ACCS: variants seen among roughly 807,000 people sequenced by gnomAD.
The protein encoded by ACCS is 1-aminocyclopropane-1-carboxylate synthase-like protein 1.
ACCS carries 42 observed loss-of-function variants against 59.8 expected under a neutral mutation model. That is an observed-to-expected ratio of 0.70 (90% CI 0.55 to 0.91). The LOEUF (loss-of-function observed/expected upper bound fraction) is 0.91. ACCS is among the 40% of genes least tolerant of loss of function. The probability of loss-of-function intolerance (pLI) is 0.00; values close to 1 mark genes in which losing one functional copy is unlikely to be tolerated. For missense variants in ACCS, 602 were observed against 630.4 expected, an observed-to-expected ratio of 0.95 and a Z score of 0.48; for synonymous variants, 230 against 240.3, an observed-to-expected ratio of 0.96 and a Z score of 0.40.
intron 7 of ACCS, 134 bp from the exon 8 acceptor site, chr11:44,077,711 C>T (rs939299891): frequency 5.5e-6 from 8 of 1,465,002 alleles, no homozygotes; most frequent in Non-Finnish European, 6.3e-6. Flanking sequence ...GAGGGAGGGA[C>T]CCCACCTGCT....
At position 44,081,201 on chromosome 11, in the gene ACCS, G is replaced by A. The variant is rs146514567; in HGVS notation, c.992G>A (p.Arg331His). The A allele has an allele frequency of 2.6e-4, 421 of 1,614,248 alleles. No individual in the cohort carries two copies. In the African/African-American group the frequency reaches 5.0e-3, roughly 19 times the overall value. Residue 331 changes from arginine to histidine, a missense_variant, in exon 12 of 15, where the codon CGC becomes CAC. Arg to His is a conservative substitution (Grantham distance 29). Transcript: ENST00000263776. ...CAGGACTTCGGGATGTCTGGGCTCCGCTTTGGCACGCTGTACACAGAAAAC... is the reference window on the plus strand; with the variant it reads ...CAGGACTTCGGGATGTCTGGGCTCCACTTTGGCACGCTGTACACAGAAAAC... Reference protein sequence around the residue: ...TSKDFGMSGLRFGTLYTENQD... With the variant: ...TSKDFGMSGLHFGTLYTENQD...
intron 9 of ACCS, chr11:44,079,221 G>T: frequency 2.4e-6 from 1 of 411,154 alleles, no homozygotes; most frequent in Non-Finnish European, 4.5e-6. Flanking sequence ...CAAGTGAGGG[G>T]TGGATCCAGA....
chr11:44,080,417 A>G (rs957826118), intron 10 of ACCS: 1 of 153,094 alleles, frequency 6.5e-6, no homozygotes, highest in Non-Finnish European at 1.5e-5. Context: ...TATTTTTTGG[A>G]TTAGGAAACT....
Position 44,081,059 on chromosome 11 carries a change from C to G in ACCS, c.963C>G (p.Thr321=). 1 of 1,614,190 alleles carries G rather than the reference C, an allele frequency of 6.2e-7. No individual in the cohort carries two copies. Among genetic ancestry groups the G allele is most frequent in the Non-Finnish European group, 8.5e-7 (1 of 1,180,036 alleles). Residue 321 remains threonine, a synonymous_variant, in exon 11 of 15, where the codon ACC becomes ACG. Transcript: ENST00000263776. ...AGAGGACCCATGTGATGTGGGCAAC[C>G]AGCAAGGTGAGTTCCTGGCTGGCCT... ...DPQRTHVMWA[T]SKDFGMSGLR... is the part of the protein sequence containing the mutation.
chr11:44,068,885 C>T (rs1038335614), intron 2 of ACCS, among the ~76,000 whole-genome samples: 12 of 152,196 alleles, frequency 7.9e-5, no homozygotes, highest in Non-Finnish European at 5.9e-5. Flanking sequence ...TCATAGAGCT[C>T]ATATTCTAGT....
At chr11:44,083,016 C>A (rs1039261837) in intron 12 of ACCS, among the ~76,000 whole-genome samples, 153 bp from the exon 13 acceptor site, 7 of 152,158 alleles carry the variant, frequency 4.6e-5, no homozygotes, top group Non-Finnish European at 8.8e-5. Context: ...TTGACCTCCC[C>A]TTCGTAATCC....
chr11:44,081,021 C>T lies in ACCS; in HGVS notation c.925C>T (p.Leu309Phe), dbSNP rs761568234. Reference sequence around the variant, plus strand: ...GTTCCCATGCTGTGCTCTCTGCAGGCTCCCTGACCCCCAGAGGACCCATGT... The same window carrying T: ...GTTCCCATGCTGTGCTCTCTGCAGGTTCCCTGACCCCCAGAGGACCCATGT... ...GYRSVLSLER[L>F]PDPQRTHVMW... is the part of the protein sequence containing the mutation. The change falls in exon 11 of 15, where the codon CTC (leucine) becomes TTC (phenylalanine). Residue 309 changes from leucine to phenylalanine, a missense_variant and splice_region_variant. Leu to Phe is a conservative substitution (Grantham distance 22, BLOSUM62 0). Transcript: ENST00000263776. The T allele has an allele frequency of 2.5e-6, 4 of 1,614,200 alleles. No individual in the cohort carries two copies. The highest frequency in any genetic ancestry group is 3.4e-6 in the Non-Finnish European group (4 of 1,180,038).
At chr11:44,070,929 G>A (rs531929252) in intron 2 of ACCS, among the ~76,000 whole-genome samples, 37 of 152,310 alleles carry the variant, frequency 2.4e-4, no homozygotes, top group South Asian at 8.3e-4. Context: ...GTGTACCTCA[G>A]TCCCTGTGAC....
At chr11:44,066,761 AG>A (rs1243108971) in intron 1 of ACCS, 60 bp downstream of exon 1, 1 of 152,238 alleles carries the variant, frequency 6.6e-6, no homozygotes, top group Admixed American at 6.5e-5. Flanking sequence ...GACTTTGCGG[AG>A]GAAAATTTAA....
chr11:44,066,773 C>T lies in ACCS; in HGVS notation c.-1+72C>T, dbSNP rs780110030. On this transcript the variant is annotated intron_variant, in intron 1 of 14. Transcript: ENST00000263776. ...GAAGACTTTGCGGAGGAAAATTTAACTGCGGGTACCCGCTGAGTTTATGGT... is the reference window on the plus strand; with the variant it reads ...GAAGACTTTGCGGAGGAAAATTTAATTGCGGGTACCCGCTGAGTTTATGGT... 1.2e-3 allele frequency: 188 copies of T among 152,416 alleles called. 2 individuals carry two copies. The highest frequency in any genetic ancestry group is 3.9e-3 in the Admixed American group (59 of 15,308). 9.4% of individuals were successfully genotyped at this position (152,416 alleles called of 1,614,324 possible). A position where few individuals can be genotyped will look rare whatever the true frequency, so the allele number is the denominator to read the frequency against.
chr11:44,067,761 C>G lies in ACCS; in HGVS notation c.134C>G (p.Pro45Arg), dbSNP rs1479138102. The change falls in exon 2 of 15, where the codon CCA becomes CGA. Residue 45 changes from proline to arginine, a missense_variant. By Grantham distance (103) the Pro-to-Arg change is moderately radical. Transcript: ENST00000263776. ...ECSRKLDQKLPELRGVGDPAM... is the reference protein window; with the variant it reads ...ECSRKLDQKLRELRGVGDPAM... ...TCCAGAAAACTGGACCAGAAGCTGC[C>G]AGAGCTCCGTGGAGTGGGTGATCCT... is the stretch of plus-strand genomic sequence containing the variant. 1 of 1,614,046 alleles carries G rather than the reference C, an allele frequency of 6.2e-7. No individual in the cohort carries two copies. The highest frequency in any genetic ancestry group is 8.5e-7 in the Non-Finnish European group (1 of 1,180,046).
chr11:44,079,886 T>C (rs1953558865), intron 10 of ACCS, among the ~76,000 whole-genome samples: 1 of 152,254 alleles, frequency 6.6e-6, no homozygotes, highest in Admixed American at 6.5e-5. Flanking sequence ...CAAATTGGCC[T>C]CTTTGCTGTT....
chr11:44,083,097 A>T (rs1003183588), intron 12 of ACCS, 72 bp from the exon 13 acceptor site: 1 of 1,573,630 alleles, frequency 6.4e-7, no homozygotes, highest in Non-Finnish European at 8.7e-7. Context: ...TTTTCTTTAC[A>T]GCATTTAGAC....
chr11:44,068,906 A>C (rs919833153), intron 2 of ACCS, among the ~76,000 whole-genome samples: 1 of 152,232 alleles, frequency 6.6e-6, no homozygotes, highest in Admixed American at 6.5e-5. Context: ...TAGGGAGACA[A>C]ACAGTGAATG....
intron 2 of ACCS, among the ~76,000 whole-genome samples, chr11:44,069,404 A>T (rs1952941090): frequency 6.6e-6 from 1 of 151,934 alleles, no homozygotes; most frequent in African/African-American, 2.4e-5. Context: ...TTTAGTAGAG[A>T]CAGGGTTTTG....
At position 44,077,842 on chromosome 11, in the gene ACCS, C is replaced by T; in HGVS notation, c.655-3C>T. ...CTGGTGGCTCTGATGGGTCTTTTTC[C>T]AGGTCACTGGGCTAGACACACGCCC... is the stretch of plus-strand genomic sequence containing the variant. On this transcript the variant is annotated splice_polypyrimidine_tract_variant and splice_region_variant and intron_variant, in intron 7 of 14. Coordinates refer to ENST00000263776, the MANE Select transcript of ACCS (RefSeq NM_032592.4). 6.2e-7 allele frequency: 1 copy of T among 1,612,678 alleles called. No individual in the cohort carries two copies. Among genetic ancestry groups the T allele is most frequent in the Non-Finnish European group, 8.5e-7 (1 of 1,179,476 alleles).
At chr11:44,074,329 A>T (rs1953205544) in intron 4 of ACCS, among the ~76,000 whole-genome samples, 1 of 152,098 alleles carries the variant, frequency 6.6e-6, no homozygotes, top group South Asian at 2.1e-4. Context: ...TGTTGTAGTA[A>T]TAATGTTTAT....
At chr11:44,077,187 T>C in intron 6 of ACCS, 92 bp from the exon 7 acceptor site, 1 of 1,402,718 alleles carries the variant, frequency 7.1e-7, no homozygotes, top group South Asian at 1.4e-5. Context: ...CCAAAGAAGT[T>C]AAAGGCTTGG....
At chr11:44,068,247 G>T (rs1328820337) in intron 2 of ACCS, among the ~76,000 whole-genome samples, 1 of 152,140 alleles carries the variant, frequency 6.6e-6, no homozygotes, top group African/African-American at 2.4e-5. Context: ...TTTACTTATA[G>T]GTTGTGTGTT....
Sources: allele counts gnomAD v4.1 joint callset (sites outside exome capture counted in the v4.1 genomes callset), GRCh38; gene constraint gnomAD v4.1.1; transcripts MANE v1.5; gene names NCBI Gene and HGNC (gene_info 2026-07-23, HGNC 2026-07-21).